CACUL1: variants seen among roughly 807,000 people sequenced by gnomAD.
CACUL1 encodes CDK2-associated and cullin domain-containing protein 1.
Under a neutral mutation model 45.2 loss-of-function variants are expected in CACUL1, and 13 were observed. That is an observed-to-expected ratio of 0.29 (90% CI 0.19 to 0.46). The LOEUF is 0.46. Among genes scored for constraint, CACUL1 ranks in the 20% least tolerant of loss-of-function variants. The probability of loss-of-function intolerance (pLI) is 1.00; values close to 1 mark genes in which losing one functional copy is unlikely to be tolerated. For synonymous variants in CACUL1, 197 were observed against 174.2 expected, an observed-to-expected ratio of 1.13 and a Z score of -1.03; for missense variants, 421 against 471.4, an observed-to-expected ratio of 0.89 and a Z score of 0.99.
chr10:118,745,370 T>C (rs1260392920), intron 1 of CACUL1, among the ~76,000 whole-genome samples: 1 of 152,084 alleles, frequency 6.6e-6, no homozygotes, highest in East Asian at 1.9e-4. Flanking sequence ...AAGACCAGCC[T>C]GGCCAACACG....
chr10:118,691,162 G>C (rs1038971604), intron 7 of CACUL1, 103 bp downstream of exon 7: 4 of 975,082 alleles, frequency 4.1e-6, no homozygotes, highest in Non-Finnish European at 6.1e-6. Context: ...CTCTTGGCCA[G>C]TTACCTCCCA....
chr10:118,740,126 G>A (rs377562980), intron 1 of CACUL1, among the ~76,000 whole-genome samples: 28 of 152,090 alleles, frequency 1.8e-4, no homozygotes, highest in African/African-American at 2.4e-4. Context: ...CAGCCTGGGC[G>A]ACAGAGCGGG....
chr10:118,700,586 G>A (rs531944329), intron 5 of CACUL1, among the ~76,000 whole-genome samples: 8 of 152,060 alleles, frequency 5.3e-5, no homozygotes, highest in Non-Finnish European at 7.4e-5. Flanking sequence ...GCATGGTTGC[G>A]GGCACCTGTA....
At chr10:118,733,610 A>C (rs535310752) in intron 1 of CACUL1, among the ~76,000 whole-genome samples, 21 of 152,368 alleles carry the variant, frequency 1.4e-4, no homozygotes, top group Admixed American at 3.9e-4. Context: ...CATCTGACAC[A>C]TATAGCCTCA....
chr10:118,705,708 T>TA (rs1160552718), intron 4 of CACUL1, among the ~76,000 whole-genome samples: 1 of 152,218 alleles, frequency 6.6e-6, no homozygotes, highest in Non-Finnish European at 1.5e-5. Context: ...GACAGACTTC[T>TA]AACAAAGACA....
Position 118,679,614 on chromosome 10 carries a change from G to T in CACUL1, c.*6514C>A, listed in dbSNP as rs4752188. On this transcript the variant is annotated 3_prime_UTR_variant, in exon 9 of 9. Transcript: ENST00000369151. ...GTTCACTGAAACCTCTGCCTCCTGGGTTCAGGCGATTTTCCTGCCTCAGCC... is the reference window on the plus strand; with the variant it reads ...GTTCACTGAAACCTCTGCCTCCTGGTTTCAGGCGATTTTCCTGCCTCAGCC... 6.6e-6 allele frequency: 1 copy of T among 151,668 alleles called. No individual in the cohort carries two copies. The highest frequency in any genetic ancestry group is 6.6e-5 in the Admixed American group (1 of 15,236). 9.4% of individuals were successfully genotyped at this position (151,668 alleles called of 1,614,324 possible).
At chr10:118,752,531 G>A (rs751127664) in intron 1 of CACUL1, among the ~76,000 whole-genome samples, 2 of 152,180 alleles carry the variant, frequency 1.3e-5, no homozygotes, top group Non-Finnish European at 2.9e-5. Context: ...TGGATTTGAT[G>A]AGCGAGTATT....
chr10:118,726,797 T>C (rs1845655575), intron 3 of CACUL1, among the ~76,000 whole-genome samples: 1 of 152,164 alleles, frequency 6.6e-6, no homozygotes, highest in Non-Finnish European at 1.5e-5. Context: ...CTAGTAAATC[T>C]ACTTCATTTT....
rs1428368746 is a variant in CACUL1, at chr10:118,676,686, T to C, written c.*9442A>G. ...AATCATGACTCTCTCTAAAAGAACATTTTTTTAGAAAGAGCAAAGGTTTAT... is the reference window on the plus strand; with the variant it reads ...AATCATGACTCTCTCTAAAAGAACACTTTTTTAGAAAGAGCAAAGGTTTAT... On this transcript the variant is annotated 3_prime_UTR_variant, in exon 9 of 9. Coordinates refer to ENST00000369151, the MANE Select transcript of CACUL1 (RefSeq NM_153810.5). The C allele has an allele frequency of 6.6e-6, 1 of 152,158 alleles. No homozygotes were observed. Among genetic ancestry groups the C allele is most frequent in the East Asian group, 1.9e-4 (1 of 5,198 alleles). 9.4% of individuals were successfully genotyped at this position (152,158 alleles called of 1,614,324 possible).
chr10:118,731,984 C>T (rs796120410), intron 1 of CACUL1, among the ~76,000 whole-genome samples: 4 of 152,110 alleles, frequency 2.6e-5, no homozygotes, highest in African/African-American at 7.2e-5. Flanking sequence ...CAAAAAGAAC[C>T]GTACATGCAC....
intron 1 of CACUL1, among the ~76,000 whole-genome samples, chr10:118,734,420 A>G (rs773701892): frequency 7.9e-5 from 12 of 152,248 alleles, no homozygotes; most frequent in Non-Finnish European, 1.5e-4. Context: ...GTAATGAGCA[A>G]TATCAGCAAG....
rs182136826 is a variant in CACUL1, at chr10:118,751,577, C to T, written c.367+2819G>A. Among the ~76,000 whole-genome samples the T allele has an allele frequency of 6.9e-4, 105 of 152,258 alleles. 2 individuals carry two copies. The highest frequency in any genetic ancestry group is 2.4e-3 in the African/African-American group (98 of 41,554). On this transcript the variant is annotated intron_variant, in intron 1 of 8. Coordinates refer to ENST00000369151, the MANE Select transcript of CACUL1 (RefSeq NM_153810.5). ...TTTCCTTGGTCTATTTTTCTGTTCT[C>T]GCACTTACACCACTTTAACTACAGC...
At chr10:118,728,787 C>CT (rs1359781921) in intron 3 of CACUL1, among the ~76,000 whole-genome samples, 2 of 152,126 alleles carry the variant, frequency 1.3e-5, no homozygotes, top group African/African-American at 4.8e-5. Flanking sequence ...TAAGTGCTCC[C>CT]TTAAACAGGA....
At chr10:118,727,201 CAACA>C (rs1845659892) in intron 3 of CACUL1, among the ~76,000 whole-genome samples, 1 of 151,912 alleles carries the variant, frequency 6.6e-6, no homozygotes, top group Admixed American at 6.6e-5. Context: ...CCAGCATGAG[CAACA>C]CGGCAAAACC....
chr10:118,686,285 TA>T (rs5788313), intron 8 of CACUL1, 117 bp from the exon 9 acceptor site: 27 of 878,058 alleles, frequency 3.1e-5, no homozygotes, highest in South Asian at 4.5e-5. Flanking sequence ...AAAAAAGGCT[TA>T]AAAAAAATCC....
intron 4 of CACUL1, among the ~76,000 whole-genome samples, chr10:118,704,528 C>T (rs1181716025): frequency 6.6e-6 from 1 of 152,222 alleles, no homozygotes; most frequent in Non-Finnish European, 1.5e-5. Flanking sequence ...CAGGCAAATC[C>T]TTGGGCAGGA....
At chr10:118,734,831 AG>A (rs1845726267) in intron 1 of CACUL1, among the ~76,000 whole-genome samples, 1 of 152,400 alleles carries the variant, frequency 6.6e-6, no homozygotes, top group African/African-American at 2.4e-5. Flanking sequence ...ACCTTTACTA[AG>A]ATAAAATGAA....
rs1426870822 is a variant in CACUL1 at position 118,685,260 on chromosome 10, CT to C, written c.*867del. 4 of 125,432 alleles carry C rather than the reference CT, an allele frequency of 3.2e-5. No homozygotes were observed. The East Asian group carries it at 8.0e-4, about 25-fold the overall frequency. The allele number at this position is 125,432 out of a possible 1,614,324, so 7.8% of individuals were successfully genotyped here. A position where few individuals can be genotyped will look rare whatever the true frequency, so the allele number is the denominator to read the frequency against. ...TCCCTAAACTAGAGTACTGCCAATA[CT>C]ATAGCAGCTGGTGACAGACATCGTG... On this transcript the variant is annotated 3_prime_UTR_variant, in exon 9 of 9. Transcript: ENST00000369151.
intron 3 of CACUL1, among the ~76,000 whole-genome samples, chr10:118,712,407 G>T (rs557390505): frequency 6.6e-6 from 1 of 152,376 alleles, no homozygotes; most frequent in East Asian, 1.9e-4. Context: ...TTCCCGAAGG[G>T]CCACAGCTCT....
Sources: gnomAD v4.1 joint callset for allele counts (sites outside exome capture counted in the v4.1 genomes callset) on GRCh38, gnomAD v4.1.1 for gene constraint, MANE v1.5 for transcripts, NCBI Gene and HGNC (gene_info 2026-07-23, HGNC 2026-07-21) for gene names.